The following ASPH variants were observed in gnomAD, a reference collection of about 807,000 sequenced individuals.
The protein encoded by ASPH is aspartate beta-hydroxylase.
A neutral mutation model predicts 118.4 loss-of-function variants in ASPH; 100 were observed. That is an observed-to-expected ratio of 0.84 (90% confidence interval 0.72 to 1.00). The LOEUF (loss-of-function observed/expected upper bound fraction) is 1.00. ASPH is among the 50% of genes least tolerant of loss of function. The probability of loss-of-function intolerance (pLI) is 0.00; values close to 1 mark genes in which losing one functional copy is unlikely to be tolerated. For missense variants in ASPH, 920 were observed against 919.5 expected, an observed-to-expected ratio of 1.00 and a Z score of -0.01; for synonymous variants, 315 against 325.6, an observed-to-expected ratio of 0.97 and a Z score of 0.35.
chr8:61,574,637 G>C (rs1440063868), intron 16 of ASPH, among the ~76,000 whole-genome samples: 1 of 152,264 alleles, frequency 6.6e-6, no homozygotes, highest in African/African-American at 2.4e-5. Flanking sequence ...TCATAAGTGG[G>C]AGTTGAACAA....
rs1019837641 is a variant in ASPH at position 61,714,296 on chromosome 8, C to G, written c.76G>C (p.Gly26Arg). 19 of 1,522,218 alleles carry G rather than the reference C, an allele frequency of 1.2e-5. No individual in the cohort carries two copies. Among genetic ancestry groups the G allele is most frequent in the Non-Finnish European group, 1.7e-5 (19 of 1,136,354 alleles). The allele number at this position is 1,522,218 out of a possible 1,614,324, so 94.3% of individuals were successfully genotyped here. ...SGSGSGSTSAGSSSPGARRET... is the reference protein window; with the variant it reads ...SGSGSGSTSARSSSPGARRET... ...CTCCGGGCCCCGGGGCTGCTGCTGC[C>G]CGCACTCGTGCTACCGCTGCCGGAG... The change falls in exon 1 of 25, where the codon GGC becomes CGC. Residue 26 changes from glycine to arginine, a missense_variant. Physicochemically the swap from Gly to Arg is moderately radical, Grantham distance 125. Coordinates refer to ENST00000379454, the MANE Select transcript of ASPH (RefSeq NM_004318.4).
At chr8:61,624,409 GT>G (rs1852003927) in intron 13 of ASPH, 1 of 985,130 alleles carries the variant, frequency 1.0e-6, no homozygotes, top group Admixed American at 6.1e-5. Flanking sequence ...CTGGCTGAAG[GT>G]ATTCCTTTGT....
At chr8:61,580,732 T>C (rs1434750255) in intron 15 of ASPH, among the ~76,000 whole-genome samples, 2 of 152,232 alleles carry the variant, frequency 1.3e-5, no homozygotes, top group East Asian at 3.8e-4. Context: ...TTCTCCTCTG[T>C]ATGTGCTACT....
chr8:61,512,339 C>A (rs928565127), intron 24 of ASPH, among the ~76,000 whole-genome samples: 67 of 152,204 alleles, frequency 4.4e-4, no homozygotes, highest in Admixed American at 4.1e-3. Context: ...GGCCCTAAAT[C>A]CAATGATAAA....
chr8:61,690,703 A>C (rs1832369560), intron 1 of ASPH, among the ~76,000 whole-genome samples: 1 of 152,210 alleles, frequency 6.6e-6, no homozygotes. Flanking sequence ...TAAATTTTTC[A>C]CTCAAATTTA....
At chr8:61,526,929 G>A (rs149071745) in intron 21 of ASPH, among the ~76,000 whole-genome samples, 1,752 of 152,258 alleles carry the variant, frequency 0.012, 23 homozygotes, top group South Asian at 0.066. Context: ...CAGGAGACAA[G>A]CATAAAAACA....
rs1045325081 is a variant in ASPH, at chr8:61,613,669, C to T, written c.976+5309G>A. Among the ~76,000 whole-genome samples the T allele has an allele frequency of 7.2e-5, 11 of 152,108 alleles. No homozygotes were observed. In the East Asian group the frequency reaches 1.9e-3, roughly 27 times the overall value. On this transcript the variant is annotated intron_variant, in intron 14 of 24. Coordinates refer to ENST00000379454, the MANE Select transcript of ASPH (RefSeq NM_004318.4). ...AGAGAAGGCTTCCTGAAAGACAGAACATCTAAGCTCAGTTTTAAGAAATGG... is the reference window on the plus strand; with the variant it reads ...AGAGAAGGCTTCCTGAAAGACAGAATATCTAAGCTCAGTTTTAAGAAATGG...
intron 1 of ASPH, among the ~76,000 whole-genome samples, chr8:61,696,025 C>G (rs1326818346): frequency 6.6e-6 from 1 of 152,176 alleles, no homozygotes; most frequent in African/African-American, 2.4e-5. Context: ...TTTCTAGACT[C>G]TGATTTCAGA....
At chr8:61,623,753 A>G (rs1459725439) in intron 13 of ASPH, 1 of 152,200 alleles carries the variant, frequency 6.6e-6, no homozygotes, top group African/African-American at 2.4e-5. Context: ...TACAATAGCT[A>G]AGCTTTGGAA....
chr8:61,688,902 T>C (rs571876944), intron 1 of ASPH, among the ~76,000 whole-genome samples: 2 of 152,326 alleles, frequency 1.3e-5, no homozygotes, highest in South Asian at 4.1e-4. Flanking sequence ...TCTCACCAAT[T>C]ATTCAAATAA....
chr8:61,619,136 G>T, intron 13 of ASPH, 117 bp from the exon 14 acceptor site: 3 of 639,464 alleles, frequency 4.7e-6, no homozygotes, highest in South Asian at 2.6e-5. Flanking sequence ...ATATATCTGA[G>T]CATACAATTC....
intron 13 of ASPH, among the ~76,000 whole-genome samples, chr8:61,626,499 G>A (rs1250418763): frequency 5.3e-5 from 8 of 151,820 alleles, no homozygotes; most frequent in African/African-American, 1.9e-4. Flanking sequence ...AGGTTCTTTC[G>A]AGCACTTGAG....
At chr8:61,523,000 C>T (rs567314770) in intron 22 of ASPH, among the ~76,000 whole-genome samples, 1 of 152,282 alleles carries the variant, frequency 6.6e-6, no homozygotes, top group African/African-American at 2.4e-5. Flanking sequence ...TAGAAGAGAC[C>T]TACCGTAATT....
At chr8:61,568,953 T>G (rs555135807) in intron 16 of ASPH, among the ~76,000 whole-genome samples, 1 of 152,246 alleles carries the variant, frequency 6.6e-6, no homozygotes, top group South Asian at 2.1e-4. Flanking sequence ...TAGTACAGCA[T>G]GCTTCCAAGG....
chr8:61,549,696 G>A (rs1265752323), intron 20 of ASPH, among the ~76,000 whole-genome samples: 1 of 151,924 alleles, frequency 6.6e-6, no homozygotes, highest in Non-Finnish European at 1.5e-5. Context: ...TAAAATTTAG[G>A]ATTTTACTTC....
intron 13 of ASPH, chr8:61,625,714 TG>T (rs1429416527): frequency 1.0e-6 from 1 of 985,178 alleles, no homozygotes; most frequent in Non-Finnish European, 1.2e-6. Flanking sequence ...TTAAAGCTAA[TG>T]TAGAAATTTT....
intron 24 of ASPH, among the ~76,000 whole-genome samples, chr8:61,506,717 G>A (rs1004223382): frequency 6.6e-6 from 1 of 152,052 alleles, no homozygotes; most frequent in African/African-American, 2.4e-5. Flanking sequence ...GGCAATAGTA[G>A]ATATTCAATT....
chr8:61,705,205 G>A (rs542859993), intron 1 of ASPH, among the ~76,000 whole-genome samples: 85 of 152,138 alleles, frequency 5.6e-4, no homozygotes, highest in African/African-American at 1.5e-3. Flanking sequence ...GACTACCTAC[G>A]GACACAAAGA....
At chr8:61,590,550 C>CTGTGTGTGTGTGTGTG (rs5891814) in intron 14 of ASPH, among the ~76,000 whole-genome samples, 92 of 146,794 alleles carry the variant, frequency 6.3e-4, no homozygotes, top group African/African-American at 2.2e-3. Context: ...TAATTTAACT[C>CTGTGTGTGTGTGTGTG]TGTGTGTGTG....
Sources: allele counts gnomAD v4.1 joint callset (sites outside exome capture counted in the v4.1 genomes callset), GRCh38; gene constraint gnomAD v4.1.1; transcripts MANE v1.5; gene names NCBI Gene and HGNC (gene_info 2026-07-23, HGNC 2026-07-21).